COMMD10: variants seen among roughly 807,000 people sequenced by gnomAD.
COMMD10 encodes the protein COMM domain-containing protein 10.
A neutral mutation model predicts 28.9 loss-of-function variants in COMMD10; 33 were observed. The observed-to-expected ratio is 1.14, with a 90% CI of 0.87 to 1.53. The LOEUF (loss-of-function observed/expected upper bound fraction) is 1.53, where lower values mean the gene tolerates loss of function less well. Ranked by LOEUF, COMMD10 falls within the 40% of genes most tolerant of loss-of-function variation. The pLI, the probability that COMMD10 is intolerant of heterozygous loss-of-function variation, is 0.00. For missense variants in COMMD10, 310 were observed against 233.4 expected, an observed-to-expected ratio of 1.33 and a Z score of -2.14; for synonymous variants, 110 against 81.7, an observed-to-expected ratio of 1.35 and a Z score of -1.87.
intron 5 of COMMD10, among the ~76,000 whole-genome samples, chr5:116,189,476 G>A (rs1455285815): frequency 6.6e-6 from 1 of 152,106 alleles, no homozygotes; most frequent in African/African-American, 2.4e-5. Flanking sequence ...CTTCTTTAGT[G>A]CCATCTTGTT....
intron 5 of COMMD10, among the ~76,000 whole-genome samples, chr5:116,261,780 C>T (rs1368562231): frequency 1.3e-5 from 2 of 151,594 alleles, no homozygotes; most frequent in Non-Finnish European, 2.9e-5. Context: ...GAAATGTTAC[C>T]AGTGGGTTCA....
chr5:116,089,671 G>A (rs1750234088), intron 2 of COMMD10, among the ~76,000 whole-genome samples: 1 of 152,196 alleles, frequency 6.6e-6, no homozygotes, highest in Non-Finnish European at 1.5e-5. Flanking sequence ...TGAATGCTTT[G>A]CCATCAGAGG....
At chr5:116,154,543 G>C (rs1020198802) in intron 5 of COMMD10, among the ~76,000 whole-genome samples, 3 of 151,966 alleles carry the variant, frequency 2.0e-5, no homozygotes, top group Admixed American at 1.3e-4. Flanking sequence ...GGAGAAGTTT[G>C]GTTTACTAGT....
chr5:116,105,400 G>A (rs1051923777), intron 4 of COMMD10, among the ~76,000 whole-genome samples: 135 of 152,284 alleles, frequency 8.9e-4, no homozygotes, highest in Non-Finnish European at 2.1e-4. Context: ...GTTCATCAGG[G>A]ATACTGGCTT....
At chr5:116,231,779 T>C (rs1236061445) in intron 5 of COMMD10, among the ~76,000 whole-genome samples, 1 of 152,086 alleles carries the variant, frequency 6.6e-6, no homozygotes, top group Admixed American at 6.6e-5. Context: ...TTAAAAGTCT[T>C]TAAAGAAATT....
intron 4 of COMMD10, among the ~76,000 whole-genome samples, chr5:116,128,785 T>C (rs1427109000): frequency 6.6e-6 from 1 of 152,138 alleles, no homozygotes; most frequent in East Asian, 1.9e-4. Context: ...TTCTGAAGTA[T>C]ACGTGCCACT....
intron 5 of COMMD10, among the ~76,000 whole-genome samples, chr5:116,141,496 G>C (rs181835800): frequency 2.6e-5 from 4 of 151,786 alleles, no homozygotes; most frequent in Admixed American, 2.0e-4. Flanking sequence ...ATATTGCTAT[G>C]GGTAGTATGG....
intron 5 of COMMD10, among the ~76,000 whole-genome samples, chr5:116,232,649 G>C (rs1393173474): frequency 1.9e-4 from 29 of 151,972 alleles, no homozygotes; most frequent in Admixed American, 1.9e-3. Flanking sequence ...GTTGCAGTGA[G>C]CCAGGATCAC....
chr5:116,249,637 T>A (rs1750053246), intron 5 of COMMD10, among the ~76,000 whole-genome samples: 1 of 151,956 alleles, frequency 6.6e-6, no homozygotes, highest in African/African-American at 2.4e-5. Flanking sequence ...AAGATAATGC[T>A]GGCACGACTG....
intron 5 of COMMD10, among the ~76,000 whole-genome samples, chr5:116,248,309 C>T (rs535641932): frequency 1.3e-5 from 2 of 151,858 alleles, no homozygotes; most frequent in Admixed American, 6.6e-5. Flanking sequence ...GTTTCAGATA[C>T]AGATGGATAC....
intron 5 of COMMD10, among the ~76,000 whole-genome samples, chr5:116,239,780 C>T (rs1749766518): frequency 6.6e-6 from 1 of 152,148 alleles, no homozygotes; most frequent in South Asian, 2.1e-4. Context: ...CAGGGTGCTA[C>T]ATTGGGTGCT....
intron 4 of COMMD10, among the ~76,000 whole-genome samples, chr5:116,101,672 G>A (rs1750664947): frequency 6.6e-6 from 1 of 152,130 alleles, no homozygotes; most frequent in African/African-American, 2.4e-5. Context: ...TGATCCGCTT[G>A]CCTCAGCCTC....
intron 5 of COMMD10, among the ~76,000 whole-genome samples, chr5:116,182,537 T>C (rs1056380965): frequency 6.6e-6 from 1 of 152,036 alleles, no homozygotes; most frequent in African/African-American, 2.4e-5. Context: ...CTGAGACATT[T>C]AGACTATTTC....
chr5:116,095,650 T>C (rs1750445521), intron 4 of COMMD10, among the ~76,000 whole-genome samples: 1 of 152,174 alleles, frequency 6.6e-6, no homozygotes, highest in African/African-American at 2.4e-5. Context: ...GTTGTATTTT[T>C]TTTTTCTCTT....
chr5:116,153,659 C>A (rs1752610424), intron 5 of COMMD10, among the ~76,000 whole-genome samples: 1 of 151,890 alleles, frequency 6.6e-6, no homozygotes. Context: ...GCCCAGAGGG[C>A]TGAAAATAAT....
chr5:116,218,066 G>A (rs1280209932), intron 5 of COMMD10: 6 of 1,214,574 alleles, frequency 4.9e-6, no homozygotes, highest in African/African-American at 1.5e-5. Context: ...TGCCTGATCT[G>A]TTTTGACATC....
chr5:116,203,565 A>C (rs1232378574), intron 5 of COMMD10, among the ~76,000 whole-genome samples: 2 of 152,180 alleles, frequency 1.3e-5, no homozygotes, highest in Admixed American at 6.6e-5. Context: ...TACAAGCCAG[A>C]AGAGAGTGGG....
intron 5 of COMMD10, among the ~76,000 whole-genome samples, chr5:116,163,710 G>A (rs1418710369): frequency 2.6e-5 from 4 of 152,112 alleles, no homozygotes; most frequent in African/African-American, 9.7e-5. Flanking sequence ...TATTGAATTA[G>A]TCAGAGATTA....
At chr5:116,169,032 T>G (rs1008400507) in intron 5 of COMMD10, among the ~76,000 whole-genome samples, 5 of 150,388 alleles carry the variant, frequency 3.3e-5, no homozygotes, top group African/African-American at 4.9e-5. Flanking sequence ...AAAAATAAAT[T>G]CATTCAAAAA....
Sources: gnomAD v4.1 joint callset for allele counts (sites outside exome capture counted in the v4.1 genomes callset) on GRCh38, gnomAD v4.1.1 for gene constraint, MANE v1.5 for transcripts, NCBI Gene and HGNC (gene_info 2026-07-23, HGNC 2026-07-21) for gene names.